Variants in VRK2 observed in about 807,000 individuals in gnomAD.
VRK2 encodes serine/threonine-protein kinase VRK2.
In VRK2, 60 loss-of-function variants were observed where a neutral mutation model predicts 57.6. The ratio of observed to expected loss-of-function variants is 1.04; its 90% CI spans 0.85 to 1.29. VRK2 has a LOEUF of 1.29. Among genes scored for constraint, VRK2 ranks in the 50% most tolerant of loss-of-function variants. VRK2 has a pLI of 0.00. For synonymous variants in VRK2, 231 were observed against 199.2 expected (o/e 1.16, Z -1.35); for missense variants, 705 against 588.1 (o/e 1.20, Z -2.06).
At chr2:57,989,631 T>C (rs545110804) in intron 1 of VRK2, among the ~76,000 whole-genome samples, 5 of 152,204 alleles carry the variant, frequency 3.3e-5, no homozygotes, top group Admixed American at 6.5e-5. Context: ...GCCACTGATA[T>C]AATCAATAAA....
At chr2:58,134,998 C>A (rs944448599) in intron 9 of VRK2, 143 bp from the exon 10 acceptor site, 2 of 755,730 alleles carry the variant, frequency 2.6e-6, no homozygotes, top group South Asian at 1.8e-5. Flanking sequence ...ACTTTCCTAT[C>A]CATTATAGTT....
At chr2:58,041,125 G>T (rs1368503605) in intron 3 of VRK2, 1 of 959,034 alleles carries the variant, frequency 1.0e-6, no homozygotes, top group Non-Finnish European at 1.2e-6. Context: ...ACCTTTTATG[G>T]TGCTCGTATT....
At chr2:58,099,184 A>G (rs1361291464) in intron 7 of VRK2, among the ~76,000 whole-genome samples, 1 of 152,060 alleles carries the variant, frequency 6.6e-6, no homozygotes, top group Non-Finnish European at 1.5e-5. Flanking sequence ...AAGTTGATGC[A>G]GTTTGAGATT....
chr2:58,028,980 A>G (rs1378098490), intron 2 of VRK2, among the ~76,000 whole-genome samples: 1 of 144,400 alleles, frequency 6.9e-6, no homozygotes, highest in Non-Finnish European at 1.5e-5. Context: ...GAATAAGCCA[A>G]TAGAATAATT....
At chr2:57,975,639 G>A (rs1328608359) in intron 1 of VRK2, among the ~76,000 whole-genome samples, 2 of 151,868 alleles carry the variant, frequency 1.3e-5, no homozygotes, top group Admixed American at 1.3e-4. Context: ...TTCAGGCCTT[G>A]TACTCCTCCC....
At chr2:58,053,482 G>A (rs146175346) in intron 2 of VRK2, among the ~76,000 whole-genome samples, 11 of 152,176 alleles carry the variant, frequency 7.2e-5, no homozygotes, top group African/African-American at 2.6e-4. Context: ...TAGGTTTTTA[G>A]AAATTACCAA....
At chr2:57,970,515 C>A (rs1672065178) in intron 1 of VRK2, among the ~76,000 whole-genome samples, 1 of 150,316 alleles carries the variant, frequency 6.7e-6, no homozygotes, top group Admixed American at 6.6e-5. Flanking sequence ...ACAAAGAAAA[C>A]AAAAATCTAG....
intron 1 of VRK2, among the ~76,000 whole-genome samples, chr2:57,982,983 T>C (rs1397625456): frequency 1.3e-5 from 2 of 152,196 alleles, no homozygotes; most frequent in Non-Finnish European, 2.9e-5. Flanking sequence ...CAGAGGTCCA[T>C]GGACCACGCC....
chr2:58,000,428 A>G (rs1465212837), intron 1 of VRK2, among the ~76,000 whole-genome samples: 1 of 152,208 alleles, frequency 6.6e-6, no homozygotes, highest in African/African-American at 2.4e-5. Context: ...TCTCAACTTC[A>G]TATTCATTTA....
At chr2:57,990,671 T>A (rs1445855123) in intron 1 of VRK2, among the ~76,000 whole-genome samples, 1 of 152,054 alleles carries the variant, frequency 6.6e-6, no homozygotes, top group Non-Finnish European at 1.5e-5. Flanking sequence ...AGAGAAGAAC[T>A]CATTAAATAA....
chr2:58,144,228 T>C (rs1221695821), intron 11 of VRK2, among the ~76,000 whole-genome samples: 1 of 151,886 alleles, frequency 6.6e-6, no homozygotes, highest in Admixed American at 6.6e-5. Flanking sequence ...AGAACAGTAT[T>C]TGTCGGGATG....
chr2:58,111,798 A>G (rs1296725223), intron 7 of VRK2, among the ~76,000 whole-genome samples: 1 of 152,138 alleles, frequency 6.6e-6, no homozygotes, highest in Non-Finnish European at 1.5e-5. Flanking sequence ...AGAAAAAAAA[A>G]GGTAATATAT....
At chr2:57,924,562 A>T (rs980098191) in intron 1 of VRK2, among the ~76,000 whole-genome samples, 5 of 151,896 alleles carry the variant, frequency 3.3e-5, no homozygotes, top group Non-Finnish European at 5.9e-5. Flanking sequence ...TTGTATGTTG[A>T]TCTTGTATTC....
At chr2:57,961,173 C>T (rs10193690) in intron 1 of VRK2, among the ~76,000 whole-genome samples, 19,299 of 152,134 alleles carry the variant, frequency 0.13, 4,115 homozygotes, top group African/African-American at 0.44. Flanking sequence ...ATACAAAGAG[C>T]TGGATTTCTA....
intron 2 of VRK2, among the ~76,000 whole-genome samples, chr2:58,052,053 T>A (rs1675823709): frequency 6.6e-6 from 1 of 152,174 alleles, no homozygotes; most frequent in Admixed American, 6.5e-5. Flanking sequence ...TAATGCTGGG[T>A]ATAACACAGA....
At chr2:57,976,176 C>T (rs1421790678) in intron 1 of VRK2, among the ~76,000 whole-genome samples, 1 of 152,032 alleles carries the variant, frequency 6.6e-6, no homozygotes, top group Non-Finnish European at 1.5e-5. Context: ...AGCATCTAGG[C>T]TGATTCTATA....
rs114336574 is a variant in VRK2 at position 58,068,949 on chromosome 2, A to G, written c.137-15140A>G. Among the ~76,000 whole-genome samples, 601 of 149,742 alleles carry G rather than the reference A, an allele frequency of 4.0e-3. 9 individuals carry two copies. The highest frequency in any genetic ancestry group is 0.014 in the African/African-American group (562 of 40,860). ...GTTTCAAAAGTGTTTGTCTTTATTT[A>G]TTGAAACATTTTTATAATGGTTGCT... On this transcript the variant is annotated intron_variant, in intron 2 of 12. Coordinates refer to ENST00000340157, the MANE Select transcript of VRK2 (RefSeq NM_006296.7).
rs183004503 is a variant in VRK2 at position 58,113,650 on chromosome 2, G to C, written c.544-9451G>C. Among the ~76,000 whole-genome samples, 19 of 152,252 alleles carry C rather than the reference G, an allele frequency of 1.2e-4. No homozygotes were observed. In the East Asian group the frequency reaches 1.6e-3, roughly 12 times the overall value. On this transcript the variant is annotated intron_variant, in intron 7 of 12. Transcript: ENST00000340157. ...GGGGCGGGGTCACAAGGTGCTCAGT[G>C]GGGGAGCTTCTGAGCCAGGAGAAGG...
At chr2:57,967,343 T>C (rs779166575) in intron 1 of VRK2, among the ~76,000 whole-genome samples, 7 of 151,990 alleles carry the variant, frequency 4.6e-5, no homozygotes, top group Non-Finnish European at 1.0e-4. Context: ...ATGCACATTC[T>C]GCACATGTAC....
Sources: allele counts gnomAD v4.1 joint callset (sites outside exome capture counted in the v4.1 genomes callset), GRCh38; gene constraint gnomAD v4.1.1; transcripts MANE v1.5; gene names NCBI Gene and HGNC (gene_info 2026-07-23, HGNC 2026-07-21).